CDKN2A: variants seen among roughly 807,000 people sequenced by gnomAD.
CDKN2A encodes cyclin dependent kinase inhibitor 2A.
CDKN2A carries 3 observed loss-of-function variants against 11.1 expected under a neutral mutation model. That is an observed-to-expected ratio of 0.27 (90% CI 0.12 to 0.70). CDKN2A has a LOEUF of 0.70. Ranked by LOEUF, CDKN2A falls within the 30% of genes least tolerant of loss-of-function variation. The probability of loss-of-function intolerance (pLI) is 0.77; values close to 1 mark genes in which losing one functional copy is unlikely to be tolerated. For synonymous variants in CDKN2A, 122 were observed against 108.1 expected (o/e 1.13, Z -0.80); for missense variants, 265 against 233.6 (o/e 1.13, Z -0.88).
intron 1 of CDKN2A, chr9:21,971,456 GC>G: frequency 8.4e-7 from 1 of 1,186,528 alleles, no homozygotes; most frequent in Non-Finnish European, 1.1e-6. Context: ...GCACTGTGAG[GC>G]ACGGGCAAAA....
Position 21,968,433 on chromosome 9 carries a change from G to T in CDKN2A, c.458-191C>A. 1 of 1,502,454 alleles carries T rather than the reference G, an allele frequency of 6.7e-7. No homozygotes were observed. The highest frequency in any genetic ancestry group is 8.9e-7 in the Non-Finnish European group (1 of 1,127,496). 93.1% of individuals were successfully genotyped at this position (1,502,454 alleles called of 1,614,324 possible). A position where few individuals can be genotyped will look rare whatever the true frequency, so the allele number is the denominator to read the frequency against. ...TCCCTGGTCCAGCAGCTAGTCCACT[G>T]CCCGCCTGGCTGCTCCAGGCGCGCC... On this transcript the variant is annotated intron_variant, in intron 2 of 2. Coordinates refer to ENST00000304494, the MANE Select transcript of CDKN2A (RefSeq NM_000077.5). The surrounding 1 kb of genome is among the most constrained non-coding windows in gnomAD (Gnocchi z 4.7).
intron 2 of CDKN2A, among the ~76,000 whole-genome samples, chr9:21,980,882 C>T (rs1820156771): frequency 6.9e-6 from 1 of 145,938 alleles, no homozygotes; most frequent in Non-Finnish European, 1.5e-5. Flanking sequence ...TGGCGTGAAC[C>T]CGGGGGGCGG....
rs1563886653 is a variant in CDKN2A, at chr9:21,968,758, G to T, written c.458-516C>A. On this transcript the variant is annotated intron_variant, in intron 2 of 2. Coordinates refer to ENST00000304494, the MANE Select transcript of CDKN2A (RefSeq NM_000077.5). The surrounding 1 kb of genome is among the most constrained non-coding windows in gnomAD (Gnocchi z 4.7). ...GCCTGCTTCTACAAACCCACAAATG[G>T]TTTCCGATCATTTCTGAAACAAAAT... 1 of 1,536,078 alleles carries T rather than the reference G, an allele frequency of 6.5e-7. No homozygotes were observed. Among genetic ancestry groups the T allele is most frequent in the East Asian group, 2.4e-5 (1 of 40,910 alleles).
exon 2 of CDKN2A, chr9:21,994,007 T>C (rs911806881): frequency 7.1e-5 from 71 of 993,060 alleles, no homozygotes; most frequent in East Asian, 5.5e-4. Context: ...GTAACCCGAA[T>C]GGGGAAGCCT....
chr9:21,979,190 A>G (rs1820114914), upstream of CDKN2A, among the ~76,000 whole-genome samples: 1 of 152,242 alleles, frequency 6.6e-6, no homozygotes, highest in African/African-American at 2.4e-5. Flanking sequence ...ATAGAAGTTT[A>G]GGAAAACTGA....
upstream of CDKN2A, among the ~76,000 whole-genome samples, chr9:21,977,895 T>C (rs1431206503): frequency 1.3e-5 from 2 of 152,030 alleles, no homozygotes; most frequent in Non-Finnish European, 2.9e-5. Context: ...TTGTGAAAAA[T>C]ATATATAGCT....
chr9:21,982,141 G>C lies in CDKN2A; in HGVS notation c.-3-10933C>G, dbSNP rs542925819. On this transcript the variant is annotated intron_variant, in intron 2 of 3. Transcript: ENST00000494262. ...TAAAATTTATCTTCCTACTCAAACT[G>C]GATCTTAGTAAGGAGTACAAAATGC... 4.7e-4 allele frequency among the ~76,000 whole-genome samples: 71 copies of C among 152,202 alleles called. 1 individual carries two copies. Among genetic ancestry groups the C allele is most frequent in the African/African-American group, 1.6e-3 (65 of 41,532 alleles).
upstream of CDKN2A, chr9:21,975,012 G>T: frequency 7.2e-7 from 1 of 1,385,058 alleles, no homozygotes; most frequent in South Asian, 1.7e-5. Flanking sequence ...CCAGGCAAGG[G>T]GACGCCGTGA....
chr9:21,987,234 G>C (rs1374476724), intron 2 of CDKN2A, among the ~76,000 whole-genome samples: 1 of 151,738 alleles, frequency 6.6e-6, no homozygotes, highest in Middle Eastern at 3.2e-3. Flanking sequence ...GCTTTATTCT[G>C]TTATGGCTAC....
At chr9:21,987,513 G>T (rs570353551) in intron 2 of CDKN2A, among the ~76,000 whole-genome samples, 66 of 150,894 alleles carry the variant, frequency 4.4e-4, no homozygotes, top group African/African-American at 1.6e-3. Context: ...AAAAGACAAC[G>T]TATCTTATAT....
intron 2 of CDKN2A, among the ~76,000 whole-genome samples, chr9:21,985,772 A>G (rs3731215): frequency 1.1e-3 from 166 of 152,124 alleles, no homozygotes; most frequent in African/African-American, 3.8e-3. Flanking sequence ...TTCTGTACAG[A>G]TGTGAATTTA....
At chr9:21,976,788 C>G (rs1820046575), upstream of CDKN2A, among the ~76,000 whole-genome samples, 1 of 152,046 alleles carries the variant, frequency 6.6e-6, no homozygotes, top group Non-Finnish European at 1.5e-5. Flanking sequence ...TTATGGGCAC[C>G]CTCCACCACC....
exon 2 of CDKN2A, chr9:21,994,022 C>A: frequency 3.4e-6 from 4 of 1,168,304 alleles, no homozygotes; most frequent in Non-Finnish European, 3.7e-6. Flanking sequence ...AAGCCTCCAC[C>A]GGCGGTTATC....
intron 1 of CDKN2A, chr9:21,994,057 G>C (rs1200700679): frequency 3.4e-6 from 5 of 1,464,662 alleles, no homozygotes; most frequent in Non-Finnish European, 3.7e-6. Context: ...GCCTGGGCTA[G>C]AGACGAATTA....
chr9:21,970,924 T>C lies in CDKN2A; in HGVS notation c.435A>G (p.Ile145Met), dbSNP rs2131091803. 1 of 1,612,462 alleles carries C rather than the reference T, an allele frequency of 6.2e-7. No individual in the cohort carries two copies. Among genetic ancestry groups the C allele is most frequent in the Non-Finnish European group, 8.5e-7 (1 of 1,180,014 alleles). Residue 145 changes from isoleucine to methionine, a missense_variant, in exon 2 of 3, where the codon ATA (isoleucine) becomes ATG (methionine). By Grantham distance (10) the Ile-to-Met change is conservative. Coordinates refer to ENST00000304494, the MANE Select transcript of CDKN2A (RefSeq NM_000077.5). ...GGTRGSNHAR[I>M]DAAEGPSDIP... ...CACCTGAGGGACCTTCCGCGGCATC[T>C]ATGCGGGCATGGTTACTGCCTCTGG...
intron 1 of CDKN2A, 181 bp from the exon 2 acceptor site, chr9:21,971,389 A>G: frequency 6.8e-7 from 1 of 1,460,996 alleles, no homozygotes. Flanking sequence ...TCTTCAGTAC[A>G]CAATGAATTC....
At chr9:21,971,751 T>C (rs1819773101) in intron 1 of CDKN2A, among the ~76,000 whole-genome samples, 1 of 152,082 alleles carries the variant, frequency 6.6e-6, no homozygotes, top group Non-Finnish European at 1.5e-5. Context: ...TTTAAAATTA[T>C]ATATTGGGAT....
Position 21,991,412 on chromosome 9 carries a change from C to A in CDKN2A, c.-4+2470G>T, listed in dbSNP as rs1820426451. On this transcript the variant is annotated intron_variant, in intron 2 of 3. Transcript: ENST00000494262. This position sits in a 1 kb window ranked among gnomAD's most constrained non-coding sequence, Gnocchi z 5.2. ...AGGGAAGGTAAAAGATTGAACACCC[C>A]TGGCCTACAGTGTTCTACTATGAAG... Among the ~76,000 whole-genome samples, 1 of 152,096 alleles carries A rather than the reference C, an allele frequency of 6.6e-6. No individual in the cohort carries two copies. The highest frequency in any genetic ancestry group is 1.5e-5 in the Non-Finnish European group (1 of 68,030).
chr9:21,992,470 T>C lies in CDKN2A; in HGVS notation c.-4+1412A>G, dbSNP rs114413954. 1.5e-4 allele frequency: 142 copies of C among 941,516 alleles called. 1 individual carries two copies. In the African/African-American group the frequency reaches 2.4e-3, roughly 16 times the overall value. The allele number at this position is 941,516 out of a possible 1,614,324, so 58.3% of individuals were successfully genotyped here. On this transcript the variant is annotated intron_variant, in intron 2 of 3. Coordinates refer to the CDKN2A transcript ENST00000494262. ...GCGCTTTTCACATACGTCCTGAAAATTGATTTATACCTAAATAACAAAAAA... is the reference window on the plus strand; with the variant it reads ...GCGCTTTTCACATACGTCCTGAAAACTGATTTATACCTAAATAACAAAAAA...
Sources: allele counts gnomAD v4.1 joint callset (sites outside exome capture counted in the v4.1 genomes callset), GRCh38; gene constraint gnomAD v4.1.1; non-coding constraint Gnocchi (gnomAD v3.1); transcripts MANE v1.5; gene names NCBI Gene and HGNC (gene_info 2026-07-23, HGNC 2026-07-21).